The following KHDRBS2 variants were observed in gnomAD, a reference collection of about 807,000 sequenced individuals.
KHDRBS2 encodes the protein KH domain-containing, RNA-binding, signal transduction-associated protein 2.
In KHDRBS2, 26 loss-of-function variants were observed where a neutral mutation model predicts 44.3. The observed-to-expected ratio is 0.59, with a 90% CI of 0.43 to 0.81. KHDRBS2 has a LOEUF of 0.81. KHDRBS2 is among the 40% of genes least tolerant of loss of function. The pLI, the probability that KHDRBS2 is intolerant of heterozygous loss-of-function variation, is 0.00. For synonymous variants in KHDRBS2, 194 were observed against 151.1 expected (o/e 1.28, Z -2.08); for missense variants, 476 against 433.1 (o/e 1.10, Z -0.88).
chr6:61,836,468 T>G (rs540819438), intron 6 of KHDRBS2, among the ~76,000 whole-genome samples: 224 of 152,168 alleles, frequency 1.5e-3, no homozygotes, highest in Non-Finnish European at 2.0e-3. Flanking sequence ...TTATGAAATT[T>G]TTCATGTTTT....
intron 1 of KHDRBS2, among the ~76,000 whole-genome samples, chr6:62,264,074 T>G (rs1197562715): frequency 2.0e-5 from 3 of 151,714 alleles, no homozygotes; most frequent in African/African-American, 7.3e-5. Flanking sequence ...TCAACCTGCC[T>G]TTATCTGACA....
At chr6:61,663,334 G>A in the KHDRBS2 span, among the ~76,000 whole-genome samples, 9 of 145,782 alleles carry the variant, frequency 6.2e-5, no homozygotes, top group African/African-American at 1.8e-4. Context: ...ACACCAACAT[G>A]GCACATGTAT....
At chr6:61,845,067 A>C (rs1794179319) in intron 6 of KHDRBS2, among the ~76,000 whole-genome samples, 1 of 152,210 alleles carries the variant, frequency 6.6e-6, no homozygotes, top group South Asian at 2.1e-4. Flanking sequence ...TTAATTATTC[A>C]GTTTTTACTT....
chr6:62,071,821 C>T (rs1046977968), intron 2 of KHDRBS2, among the ~76,000 whole-genome samples: 26 of 152,030 alleles, frequency 1.7e-4, no homozygotes, highest in South Asian at 6.2e-4. Context: ...TTTGGCAATG[C>T]GGGCTCTTTT....
At chr6:62,248,876 T>C (rs1836062319) in intron 1 of KHDRBS2, among the ~76,000 whole-genome samples, 1 of 151,984 alleles carries the variant, frequency 6.6e-6, no homozygotes, top group African/African-American at 2.4e-5. Context: ...ACATAGATAG[T>C]AAAAACTGTG....
At chr6:61,751,970 C>G (rs1469963868) in intron 6 of KHDRBS2, among the ~76,000 whole-genome samples, 1 of 151,930 alleles carries the variant, frequency 6.6e-6, no homozygotes, top group Non-Finnish European at 1.5e-5. Context: ...TCATAATCTC[C>G]TCTTCTTAGA....
At chr6:62,118,585 C>G (rs1382798869) in intron 2 of KHDRBS2, among the ~76,000 whole-genome samples, 1 of 151,934 alleles carries the variant, frequency 6.6e-6, no homozygotes, top group Admixed American at 6.6e-5. Context: ...GGGGGTGTCA[C>G]CAAAGGAGAT....
the KHDRBS2 span, among the ~76,000 whole-genome samples, chr6:61,580,266 G>A: frequency 6.6e-6 from 1 of 152,256 alleles, no homozygotes; most frequent in Admixed American, 6.5e-5. Context: ...GGGACTTGGA[G>A]AACTTTTGTG....
chr6:61,665,477 T>G, the KHDRBS2 span, among the ~76,000 whole-genome samples: 1 of 151,422 alleles, frequency 6.6e-6, no homozygotes, highest in Admixed American at 6.6e-5. Flanking sequence ...GAATAGATGA[T>G]CAGTTCAATA....
intron 2 of KHDRBS2, among the ~76,000 whole-genome samples, chr6:62,076,179 T>C (rs1164472962): frequency 6.6e-6 from 1 of 151,926 alleles, no homozygotes; most frequent in Non-Finnish European, 1.5e-5. Context: ...AGTTTTTTCA[T>C]AGATGATAAA....
chr6:62,078,444 A>T (rs1034024470), intron 2 of KHDRBS2, among the ~76,000 whole-genome samples: 31 of 151,998 alleles, frequency 2.0e-4, no homozygotes, highest in Non-Finnish European at 3.5e-4. Context: ...AAATTATCAA[A>T]TTTTATAGTA....
At chr6:62,174,332 A>G (rs1820673751) in intron 2 of KHDRBS2, among the ~76,000 whole-genome samples, 1 of 151,574 alleles carries the variant, frequency 6.6e-6, no homozygotes, top group Non-Finnish European at 1.5e-5. Flanking sequence ...AACTAGAAAT[A>G]CAGTTAAACA....
At chr6:62,254,941 A>G (rs1837127466) in intron 1 of KHDRBS2, among the ~76,000 whole-genome samples, 1 of 152,082 alleles carries the variant, frequency 6.6e-6, no homozygotes. Flanking sequence ...TACACAGCAC[A>G]TTGTATATCC....
At chr6:61,804,492 T>G (rs1265251125) in intron 6 of KHDRBS2, among the ~76,000 whole-genome samples, 6 of 152,130 alleles carry the variant, frequency 3.9e-5, no homozygotes, top group Admixed American at 6.6e-5. Flanking sequence ...ACAGCTCCAC[T>G]AAGCAATGTA....
At chr6:61,569,750 A>T in the KHDRBS2 span, among the ~76,000 whole-genome samples, 1 of 152,004 alleles carries the variant, frequency 6.6e-6, no homozygotes, top group Non-Finnish European at 1.5e-5. Flanking sequence ...TCATTACAGA[A>T]CTCTTCACAG....
At chr6:62,084,981 T>G (rs6910051) in intron 2 of KHDRBS2, among the ~76,000 whole-genome samples, 31 of 152,240 alleles carry the variant, frequency 2.0e-4, no homozygotes, top group African/African-American at 7.5e-4. Context: ...ACAAAACACT[T>G]AAATGTGTGC....
In KHDRBS2 at chr6:61,726,450, G is replaced by A. The variant is rs1221166852; in HGVS notation, c.893+6232C>T. Among the ~76,000 whole-genome samples, 5 of 152,096 alleles carry A rather than the reference G, an allele frequency of 3.3e-5. No homozygotes were observed. The East Asian group carries it at 9.6e-4, about 29-fold the overall frequency. ...CAATCAGGCAAGAGAAAGAAACAAAGCATATTCAAATAGGGAGAGAAGAAG... is the reference window on the plus strand; with the variant it reads ...CAATCAGGCAAGAGAAAGAAACAAAACATATTCAAATAGGGAGAGAAGAAG... On this transcript the variant is annotated intron_variant, in intron 7 of 8. Coordinates refer to ENST00000281156, the MANE Select transcript of KHDRBS2 (RefSeq NM_152688.4).
chr6:61,624,346 G>T, the KHDRBS2 span, among the ~76,000 whole-genome samples: 15 of 152,300 alleles, frequency 9.8e-5, no homozygotes, highest in South Asian at 2.5e-3. Context: ...CCTCTGAATG[G>T]TCAACCTTCC....
At chr6:62,113,402 C>A (rs1342712762) in intron 2 of KHDRBS2, among the ~76,000 whole-genome samples, 1 of 151,992 alleles carries the variant, frequency 6.6e-6, no homozygotes, top group Non-Finnish European at 1.5e-5. Flanking sequence ...CCTGAAAACC[C>A]AGAATTACCA....
Sources: allele counts gnomAD v4.1 joint callset (sites outside exome capture counted in the v4.1 genomes callset), GRCh38; gene constraint gnomAD v4.1.1; transcripts MANE v1.5; gene names NCBI Gene and HGNC (gene_info 2026-07-23, HGNC 2026-07-21).